NINJ2: variants seen among roughly 807,000 people sequenced by gnomAD.
NINJ2 encodes ninjurin 2.
In NINJ2, 12 loss-of-function variants were observed where a neutral mutation model predicts 11.7. The ratio of observed to expected loss-of-function variants is 1.02; its 90% CI spans 0.66 to 1.66. The LOEUF (loss-of-function observed/expected upper bound fraction) is 1.66, where lower values mean the gene tolerates loss of function less well. Among genes scored for constraint, NINJ2 ranks in the 40% most tolerant of loss-of-function variants. The pLI is 0.00. For synonymous variants in NINJ2, 93 were observed against 76.8 expected, an observed-to-expected ratio of 1.21 and a Z score of -1.10; for missense variants, 187 against 181.8, an observed-to-expected ratio of 1.03 and a Z score of -0.16.
chr12:576,541 C>T (rs1285092297), intron 1 of NINJ2, among the ~76,000 whole-genome samples: 1 of 152,240 alleles, frequency 6.6e-6, no homozygotes, highest in African/African-American at 2.4e-5. Flanking sequence ...GTCGCCCAGG[C>T]TGCGGGGTGG....
At chr12:619,135 G>T (rs1003271685) in intron 1 of NINJ2, among the ~76,000 whole-genome samples, 3 of 152,192 alleles carry the variant, frequency 2.0e-5, no homozygotes, top group Non-Finnish European at 4.4e-5. Flanking sequence ...GGTCCAGGAG[G>T]GGGGCAGTTT....
intron 1 of NINJ2, chr12:610,511 C>G: frequency 2.0e-6 from 3 of 1,512,464 alleles, no homozygotes; most frequent in Non-Finnish European, 2.6e-6. Context: ...TGGGTCCCCA[C>G]AGCGGCCAGC....
At position 580,599 on chromosome 12, in the gene NINJ2, AT is replaced by A. The variant is rs66939696; in HGVS notation, c.34-14422del. On this transcript the variant is annotated intron_variant, in intron 1 of 3. Coordinates refer to ENST00000305108, the MANE Select transcript of NINJ2 (RefSeq NM_016533.6). This position sits in a 1 kb window ranked among gnomAD's most constrained non-coding sequence, Gnocchi z 4.7. Reference sequence around the variant, plus strand: ...GAGACCCTGTCTCAAAAAAAAAAAAATATATATATATATATATCCATTTGTC... The same window carrying A: ...GAGACCCTGTCTCAAAAAAAAAAAAAATATATATATATATATCCATTTGTC... 0.021 allele frequency among the ~76,000 whole-genome samples: 1,193 copies of A among 57,868 alleles called. 5 individuals are homozygous for A. The highest frequency in any genetic ancestry group is 0.043 in the Admixed American group (186 of 4,358). 38.0% of individuals were successfully genotyped at this position (57,868 alleles called of 152,430 possible).
intron 1 of NINJ2, among the ~76,000 whole-genome samples, chr12:647,695 G>A (rs944631893): frequency 1.3e-5 from 2 of 152,140 alleles, no homozygotes; most frequent in Non-Finnish European, 2.9e-5. Context: ...GTCACTTAAC[G>A]GATTTAAGTA....
chr12:642,388 G>A (rs571670542), intron 1 of NINJ2, among the ~76,000 whole-genome samples: 4 of 152,128 alleles, frequency 2.6e-5, no homozygotes, highest in Non-Finnish European at 5.9e-5. Flanking sequence ...CCGCCACCAC[G>A]CCCGGCTAAT....
intron 1 of NINJ2, among the ~76,000 whole-genome samples, chr12:605,567 A>T (rs1273337902): frequency 6.6e-6 from 1 of 152,236 alleles, no homozygotes; most frequent in East Asian, 1.9e-4. Flanking sequence ...TAAAAAATAA[A>T]AGAGATGACA....
intron 1 of NINJ2, among the ~76,000 whole-genome samples, chr12:612,885 T>C (rs1948050348): frequency 6.6e-6 from 1 of 152,030 alleles, no homozygotes. Flanking sequence ...GGTCCTGAGG[T>C]GAACTAGGTA....
chr12:611,152 C>A (rs1948023019), intron 1 of NINJ2, among the ~76,000 whole-genome samples: 2 of 152,016 alleles, frequency 1.3e-5, no homozygotes, highest in Non-Finnish European at 1.5e-5. Flanking sequence ...CAACCCCAGG[C>A]CTGCCTGCCT....
At chr12:634,287 TTTTG>T (rs60903300) in intron 1 of NINJ2, among the ~76,000 whole-genome samples, 1,548 of 138,130 alleles carry the variant, frequency 0.011, 35 homozygotes, top group African/African-American at 0.041. Context: ...TTTTTTTTTT[TTTTG>T]CACTGTCTCC....
Position 629,896 on chromosome 12 carries a change from A to AAAAAAAAAAAAAATATATAT in NINJ2, c.33+33431_33+33432insATATATATTTTTTTTTTTTT. 1.7e-3 allele frequency among the ~76,000 whole-genome samples: 17 copies of AAAAAAAAAAAAAATATATAT among 9,884 alleles called. 1 individual carries two copies. Among genetic ancestry groups the AAAAAAAAAAAAAATATATAT allele is most frequent in the Non-Finnish European group, 6.6e-3 (14 of 2,118 alleles). The allele number at this position is 9,884 out of a possible 152,430, so 6.5% of individuals were successfully genotyped here. A position where few individuals can be genotyped will look rare whatever the true frequency, so the allele number is the denominator to read the frequency against. ...GAGCAAAACTCAAAAAAAAAAAAAA[A>AAAAAAAAAAAAAATATATAT]ATATATATATATATATATATATATA... On this transcript the variant is annotated intron_variant, in intron 1 of 3. Transcript: ENST00000305108.
chr12:662,401 A>G (rs1314174526), intron 1 of NINJ2, among the ~76,000 whole-genome samples: 1 of 151,610 alleles, frequency 6.6e-6, no homozygotes, highest in African/African-American at 2.4e-5. Context: ...CAAAACACAC[A>G]CAGAGAACGA....
At chr12:609,770 C>CAA (rs1185755822) in intron 1 of NINJ2, among the ~76,000 whole-genome samples, 16,076 of 88,480 alleles carry the variant, frequency 0.18, 1,824 homozygotes, top group East Asian at 0.31. Context: ...GACTCTGCCT[C>CAA]AAAAAAAAAA....
At chr12:642,023 G>A (rs1413549788) in intron 1 of NINJ2, among the ~76,000 whole-genome samples, 5 of 152,190 alleles carry the variant, frequency 3.3e-5, no homozygotes, top group African/African-American at 1.2e-4. Flanking sequence ...CCCTTGGGGC[G>A]TGGAAGGCGG....
At chr12:567,376 C>T (rs958470308) in intron 1 of NINJ2, among the ~76,000 whole-genome samples, 1 of 147,258 alleles carries the variant, frequency 6.8e-6, no homozygotes, top group Non-Finnish European at 1.5e-5. Flanking sequence ...GTGATGCATA[C>T]CAGTTAAACA....
rs1947278204 is a variant in NINJ2, at chr12:565,330, C to T, written c.334G>A (p.Val112Ile). 1 of 1,614,202 alleles carries T rather than the reference C, an allele frequency of 6.2e-7. No individual in the cohort carries two copies. Among genetic ancestry groups the T allele is most frequent in the Non-Finnish European group, 8.5e-7 (1 of 1,180,030 alleles). The change falls in exon 3 of 4, where the codon GTC becomes ATC. Residue 112 changes from valine (V) to isoleucine (I), a missense_variant. Coordinates refer to ENST00000305108, the MANE Select transcript of NINJ2 (RefSeq NM_016533.6). ...NQLNNAATIL[V>I]FFTVVINVFI... ...ACATTGATGACCACAGTGAAGAAGA[C>T]CAAGATGGTGGCTGCGTTGTTGAGC...
chr12:622,139 A>T (rs979330897), intron 1 of NINJ2, among the ~76,000 whole-genome samples: 1 of 108,012 alleles, frequency 9.3e-6, no homozygotes, highest in African/African-American at 3.5e-5. Context: ...AAAAAAAAAA[A>T]GGCCAGGCGC....
chr12:579,683 CA>C (rs1947519931), intron 1 of NINJ2, among the ~76,000 whole-genome samples: 1 of 152,184 alleles, frequency 6.6e-6, no homozygotes, highest in Non-Finnish European at 1.5e-5. Context: ...CGAGCACTAT[CA>C]GAGCCTCACA....
intron 1 of NINJ2, among the ~76,000 whole-genome samples, chr12:648,808 G>C (rs945152119): frequency 1.3e-5 from 2 of 152,114 alleles, no homozygotes; most frequent in African/African-American, 4.8e-5. Flanking sequence ...TTTCACCTTA[G>C]AGTCTAAACA....
At chr12:610,208 G>A (rs1948009936) in intron 1 of NINJ2, 2 of 739,396 alleles carry the variant, frequency 2.7e-6, no homozygotes, top group South Asian at 3.1e-5. Context: ...CACATTGCCA[G>A]ACACCCAGCA....
Sources: gnomAD v4.1 joint callset for allele counts (sites outside exome capture counted in the v4.1 genomes callset) on GRCh38, gnomAD v4.1.1 for gene constraint, Gnocchi (gnomAD v3.1) non-coding constraint, MANE v1.5 for transcripts, NCBI Gene and HGNC (gene_info 2026-07-23, HGNC 2026-07-21) for gene names.